LINGO2: variants seen among roughly 807,000 people sequenced by gnomAD.
LINGO2 encodes leucine rich repeat and Ig domain containing 2.
A neutral mutation model predicts 30.6 loss-of-function variants in LINGO2; 14 were observed. The ratio of observed to expected loss-of-function variants is 0.46; its 90% CI spans 0.30 to 0.72. The LOEUF (loss-of-function observed/expected upper bound fraction) is 0.72. Ranked by LOEUF, LINGO2 falls within the 30% of genes least tolerant of loss-of-function variation. The pLI, the probability that LINGO2 is intolerant of heterozygous loss-of-function variation, is 0.07. For synonymous variants in LINGO2, 317 were observed against 288.5 expected, an observed-to-expected ratio of 1.10 and a Z score of -1.00; for missense variants, 729 against 751.7, an observed-to-expected ratio of 0.97 and a Z score of 0.35.
chr9:29,087,475 T>A, the LINGO2 span, among the ~76,000 whole-genome samples: 61 of 152,312 alleles, frequency 4.0e-4, no homozygotes, highest in Middle Eastern at 0.014. Context: ...AGTAGGTAAC[T>A]TTCCCATGAG....
intron 4 of LINGO2, among the ~76,000 whole-genome samples, chr9:28,230,546 T>C (rs1430937943): frequency 6.6e-6 from 1 of 151,864 alleles, no homozygotes; most frequent in East Asian, 1.9e-4. Context: ...CAGCCAGTTA[T>C]TAATATTATG....
the LINGO2 span, among the ~76,000 whole-genome samples, chr9:28,947,876 T>A: frequency 5.3e-5 from 8 of 151,974 alleles, no homozygotes; most frequent in Non-Finnish European, 1.0e-4. Context: ...ACTTCACATA[T>A]AAGGATCCTA....
intron 4 of LINGO2, among the ~76,000 whole-genome samples, chr9:28,280,241 T>G (rs1197469207): frequency 6.6e-6 from 1 of 152,146 alleles, no homozygotes; most frequent in South Asian, 2.1e-4. Context: ...TGTTCAACAC[T>G]TTATTAGGCA....
At chr9:29,172,917 T>TAC in the LINGO2 span, among the ~76,000 whole-genome samples, 4 of 151,712 alleles carry the variant, frequency 2.6e-5, no homozygotes, top group Admixed American at 6.6e-5. Flanking sequence ...TATACTTACA[T>TAC]ACACACACAC....
upstream of LINGO2, among the ~76,000 whole-genome samples, chr9:28,674,411 A>T (rs1348657779): frequency 2.6e-5 from 4 of 152,178 alleles, no homozygotes; most frequent in Non-Finnish European, 4.4e-5. Context: ...TTGAAGTTTT[A>T]CAAGGAAAAA....
At chr9:29,093,678 T>C in the LINGO2 span, among the ~76,000 whole-genome samples, 10 of 136,774 alleles carry the variant, frequency 7.3e-5, 3 homozygotes, top group Non-Finnish European at 1.3e-4. Flanking sequence ...GAAACTGTAG[T>C]TGTTTTGTCA....
chr9:28,257,285 G>T (rs4567135), intron 4 of LINGO2, among the ~76,000 whole-genome samples: 10 of 151,428 alleles, frequency 6.6e-5, no homozygotes, highest in Non-Finnish European at 1.2e-4. Flanking sequence ...TGTTTAAAGA[G>T]ATGTTTTTTT....
At chr9:28,859,134 G>A in the LINGO2 span, among the ~76,000 whole-genome samples, 2 of 152,164 alleles carry the variant, frequency 1.3e-5, no homozygotes, top group African/African-American at 4.8e-5. Context: ...CTGAAGGAGA[G>A]TAATTTTCAA....
the LINGO2 span, among the ~76,000 whole-genome samples, chr9:28,724,343 AT>A: frequency 6.6e-6 from 1 of 152,144 alleles, no homozygotes; most frequent in Admixed American, 6.5e-5. Flanking sequence ...AATTACTTTT[AT>A]TGCCCAAGGG....
intron 5 of LINGO2, among the ~76,000 whole-genome samples, chr9:28,011,605 G>A (rs1354388948): frequency 6.6e-6 from 1 of 152,102 alleles, no homozygotes; most frequent in African/African-American, 2.4e-5. Flanking sequence ...GAAGTTATTT[G>A]GGCCACTTTT....
chr9:28,189,312 G>A (rs1461156794), intron 4 of LINGO2, among the ~76,000 whole-genome samples: 1 of 59,258 alleles, frequency 1.7e-5, no homozygotes, highest in Non-Finnish European at 3.6e-5. Flanking sequence ...AGGGAGGAAG[G>A]AAGGAAGGAA....
the LINGO2 span, among the ~76,000 whole-genome samples, chr9:28,996,452 T>C: frequency 1.3e-5 from 2 of 152,162 alleles, no homozygotes; most frequent in Non-Finnish European, 2.9e-5. Context: ...CACTCTTCTA[T>C]GGAAATAAGA....
intron 4 of LINGO2, among the ~76,000 whole-genome samples, chr9:28,271,083 T>G (rs1476384689): frequency 1.3e-5 from 2 of 152,070 alleles, no homozygotes; most frequent in African/African-American, 4.8e-5. Context: ...CCTGTGATGT[T>G]CTTGGAATTC....
At chr9:28,537,065 GA>G (rs1412222810) in intron 1 of LINGO2, among the ~76,000 whole-genome samples, 1 of 152,052 alleles carries the variant, frequency 6.6e-6, no homozygotes, top group East Asian at 1.9e-4. Flanking sequence ...AACACCATGT[GA>G]AGTTTAAACA....
chr9:28,030,837 CAAAA>C (rs565068139), intron 4 of LINGO2, among the ~76,000 whole-genome samples: 5 of 147,608 alleles, frequency 3.4e-5, no homozygotes, highest in African/African-American at 1.3e-4. Flanking sequence ...AATGGAAAAA[CAAAA>C]AAAGCAGACA....
chr9:28,332,060 C>A (rs1438173011), intron 3 of LINGO2, among the ~76,000 whole-genome samples: 1 of 152,100 alleles, frequency 6.6e-6, no homozygotes, highest in African/African-American at 2.4e-5. Flanking sequence ...CTTACGTTAA[C>A]CTGATACCTA....
the LINGO2 span, among the ~76,000 whole-genome samples, chr9:28,971,043 C>T: frequency 6.6e-6 from 1 of 152,122 alleles, no homozygotes; most frequent in Non-Finnish European, 1.5e-5. Context: ...GATACCAGCT[C>T]AGCCACAGCA....
intron 4 of LINGO2, among the ~76,000 whole-genome samples, chr9:28,243,442 G>A (rs10968409): frequency 0.49 from 69,934 of 143,594 alleles, 16,728 homozygotes; most frequent in African/African-American, 0.58. Context: ...CCTGTGCGAC[G>A]GAGAAAGACT....
At chr9:28,517,390 C>T (rs915763831) in intron 1 of LINGO2, among the ~76,000 whole-genome samples, 1 of 152,172 alleles carries the variant, frequency 6.6e-6, no homozygotes, top group Non-Finnish European at 1.5e-5. Context: ...GAGCACTAAC[C>T]TCTGAATGCT....
Sources: gnomAD v4.1 joint callset for allele counts (sites outside exome capture counted in the v4.1 genomes callset) on GRCh38, gnomAD v4.1.1 for gene constraint, MANE v1.5 for transcripts, NCBI Gene and HGNC (gene_info 2026-07-23, HGNC 2026-07-21) for gene names.